The following KAZN variants were observed in gnomAD, a reference collection of about 807,000 sequenced individuals.
KAZN encodes the protein kazrin.
In KAZN, 40 loss-of-function variants were observed where a neutral mutation model predicts 87.4. The ratio of observed to expected loss-of-function variants is 0.46; its 90% CI spans 0.36 to 0.60. The LOEUF is 0.60. Ranked by LOEUF, KAZN falls within the 20% of genes least tolerant of loss-of-function variation. KAZN has a pLI of 0.00. For missense variants in KAZN, 898 were observed against 1,073.9 expected (o/e 0.84, Z 2.29); for synonymous variants, 466 against 458.3 (o/e 1.02, Z -0.22).
At chr1:14,659,881 T>TAAAAA (rs1039344560) in intron 1 of KAZN, among the ~76,000 whole-genome samples, 4 of 140,102 alleles carry the variant, frequency 2.9e-5, no homozygotes, top group African/African-American at 1.1e-4. Context: ...ACACATTCTT[T>TAAAAA]AAAAAAAAAA....
intron 8 of KAZN, among the ~76,000 whole-genome samples, chr1:15,069,355 A>G (rs1047750960): frequency 6.6e-6 from 1 of 152,216 alleles, no homozygotes; most frequent in South Asian, 2.1e-4. Context: ...CTCATGCGGG[A>G]CATATGGCAA....
chr1:14,069,304 G>A (rs1184857508), intron 1 of KAZN, among the ~76,000 whole-genome samples: 1 of 152,120 alleles, frequency 6.6e-6, no homozygotes, highest in Non-Finnish European at 1.5e-5. Flanking sequence ...ATGCAATGTG[G>A]GTAGCAGGGT....
At chr1:13,895,879 T>C (rs970154315) in intron 1 of KAZN, among the ~76,000 whole-genome samples, 1 of 152,170 alleles carries the variant, frequency 6.6e-6, no homozygotes, top group East Asian at 1.9e-4. Flanking sequence ...GGTGTAAACA[T>C]AAAGCATATT....
At chr1:14,758,356 A>G (rs1162878910) in intron 1 of KAZN, among the ~76,000 whole-genome samples, 1 of 125,232 alleles carries the variant, frequency 8.0e-6, no homozygotes, top group Non-Finnish European at 1.7e-5. Context: ...ATTTATTTTT[A>G]GAGTTGGGGT....
chr1:14,420,590 C>A (rs1571603691), intron 2 of KAZN, among the ~76,000 whole-genome samples: 1 of 152,204 alleles, frequency 6.6e-6, no homozygotes, highest in Non-Finnish European at 1.5e-5. Flanking sequence ...GCTCAGGAGC[C>A]CACGGCAGGA....
At chr1:14,202,933 C>T (rs1202979570) in intron 2 of KAZN, among the ~76,000 whole-genome samples, 1 of 152,020 alleles carries the variant, frequency 6.6e-6, no homozygotes, top group African/African-American at 2.4e-5. Context: ...AGGAGAATTG[C>T]TTGAACCTGG....
intron 1 of KAZN, among the ~76,000 whole-genome samples, chr1:13,896,120 A>G (rs779014399): frequency 6.6e-6 from 1 of 150,504 alleles, no homozygotes; most frequent in Non-Finnish European, 1.5e-5. Flanking sequence ...GCCTCCTGCT[A>G]CCTATGCTGG....
chr1:14,833,573 C>A (rs896569222), intron 1 of KAZN, among the ~76,000 whole-genome samples: 17 of 151,668 alleles, frequency 1.1e-4, no homozygotes, highest in African/African-American at 3.7e-4. Flanking sequence ...CGTCCTCTAC[C>A]CCCCCCAGGC....
At chr1:14,883,445 C>A (rs1653705693) in intron 1 of KAZN, among the ~76,000 whole-genome samples, 1 of 146,340 alleles carries the variant, frequency 6.8e-6, no homozygotes, top group Non-Finnish European at 1.5e-5. Context: ...TTGAGCTCTT[C>A]TGTTGCAGGG....
intron 2 of KAZN, among the ~76,000 whole-genome samples, chr1:14,430,099 C>A (rs1665960647): frequency 6.6e-6 from 1 of 151,988 alleles, no homozygotes; most frequent in South Asian, 2.1e-4. Flanking sequence ...CCCCAAACGA[C>A]CGCATGGCTT....
intron 1 of KAZN, among the ~76,000 whole-genome samples, chr1:14,097,907 G>A (rs1644163939): frequency 6.6e-6 from 1 of 152,302 alleles, no homozygotes; most frequent in South Asian, 2.1e-4. Context: ...ACATAAAAGT[G>A]CTGTCTTTGG....
intron 1 of KAZN, among the ~76,000 whole-genome samples, chr1:13,920,243 CAAAA>C (rs56221437): frequency 4.2e-5 from 3 of 71,800 alleles, no homozygotes; most frequent in Admixed American, 1.6e-4. Flanking sequence ...GACCCTGTCT[CAAAA>C]AAAAAAAAAA....
chr1:14,862,074 C>T (rs1299192698), intron 1 of KAZN, among the ~76,000 whole-genome samples: 2 of 152,142 alleles, frequency 1.3e-5, no homozygotes, highest in African/African-American at 4.8e-5. Flanking sequence ...ATCCTGACTG[C>T]CTACAGCGCC....
At chr1:14,249,062 A>G (rs980585734) in intron 2 of KAZN, among the ~76,000 whole-genome samples, 3 of 152,208 alleles carry the variant, frequency 2.0e-5, no homozygotes, top group African/African-American at 7.2e-5. Flanking sequence ...CATTATTTCA[A>G]TGGCAAATGA....
At chr1:14,481,742 C>T (rs80333289) in intron 2 of KAZN, among the ~76,000 whole-genome samples, 1,672 of 151,898 alleles carry the variant, frequency 0.011, 15 homozygotes, top group Middle Eastern at 0.031. Flanking sequence ...AACTAGAAAC[C>T]GAGAGAGAGA....
At chr1:14,268,483 A>AAAG (rs1304605586) in intron 2 of KAZN, among the ~76,000 whole-genome samples, 1 of 151,976 alleles carries the variant, frequency 6.6e-6, no homozygotes, top group Non-Finnish European at 1.5e-5. Flanking sequence ...AAAAAAAAAA[A>AAAG]AAGGAAAAGA....
chr1:14,992,848 T>C (rs1667483422), intron 2 of KAZN, among the ~76,000 whole-genome samples: 1 of 151,938 alleles, frequency 6.6e-6, no homozygotes, highest in Non-Finnish European at 1.5e-5. Context: ...TTCATCATGT[T>C]GGCCAGACTG....
intron 8 of KAZN, among the ~76,000 whole-genome samples, chr1:15,075,514 C>T (rs1288421736): frequency 2.6e-5 from 4 of 152,160 alleles, no homozygotes; most frequent in African/African-American, 7.2e-5. Flanking sequence ...ATGACTTCTT[C>T]GGGCCCTTCA....
intron 2 of KAZN, among the ~76,000 whole-genome samples, chr1:14,560,320 C>T (rs554450423): frequency 2.6e-5 from 4 of 152,262 alleles, no homozygotes; most frequent in African/African-American, 9.6e-5. Context: ...CAAATTCTGA[C>T]CCCTTCAATG....
Sources: gnomAD v4.1 joint callset for allele counts (sites outside exome capture counted in the v4.1 genomes callset) on GRCh38, gnomAD v4.1.1 for gene constraint, MANE v1.5 for transcripts, NCBI Gene and HGNC (gene_info 2026-07-23, HGNC 2026-07-21) for gene names.